The following SARDH variants were observed in gnomAD, a reference collection of about 807,000 sequenced individuals.
SARDH encodes sarcosine dehydrogenase, mitochondrial.
A neutral mutation model predicts 109.1 loss-of-function variants in SARDH; 95 were observed. The ratio of observed to expected loss-of-function variants is 0.87; its 90% confidence interval spans 0.74 to 1.03. The LOEUF (loss-of-function observed/expected upper bound fraction) is 1.03. SARDH is among the 50% of genes least tolerant of loss of function. SARDH has a pLI of 0.00. For synonymous variants in SARDH, 572 were observed against 534.8 expected (o/e 1.07, Z -0.96); for missense variants, 1,267 against 1,287.8 (o/e 0.98, Z 0.25).
chr9:133,674,094 G>T (rs1483165643), intron 17 of SARDH, among the ~76,000 whole-genome samples: 1 of 152,236 alleles, frequency 6.6e-6, no homozygotes, highest in Non-Finnish European at 1.5e-5. Flanking sequence ...CTAAGTTCAC[G>T]GAATCACTAG....
At chr9:133,691,736 C>T (rs1319618533) in intron 15 of SARDH, among the ~76,000 whole-genome samples, 1 of 152,216 alleles carries the variant, frequency 6.6e-6, no homozygotes, top group Non-Finnish European at 1.5e-5. Flanking sequence ...AGGTAGCGCA[C>T]GTATTCAACA....
rs144501659 is a variant in SARDH at position 133,687,641 on chromosome 9, T to C, written c.2070-2355A>G. 3.1e-3 allele frequency among the ~76,000 whole-genome samples: 468 copies of C among 152,134 alleles called. 3 individuals carry two copies. The highest frequency in any genetic ancestry group is 0.011 in the African/African-American group (441 of 41,498). ...ACTAGTATTAAAAATGCAGTCCCAC[T>C]AGCCACATTTCAAAGGCTCAGTAGC... On this transcript the variant is annotated intron_variant, in intron 16 of 20. Transcript: ENST00000439388.
At chr9:133,717,593 G>A (rs1002084127) in intron 7 of SARDH, 138 bp from the exon 8 acceptor site, 13 of 1,281,456 alleles carry the variant, frequency 1.0e-5, no homozygotes, top group East Asian at 5.1e-5. Context: ...TCACCCACAC[G>A]TCCCAGCCGT....
rs369483621 is a variant in SARDH at position 133,695,635 on chromosome 9, G to A, written c.1807+588C>T. Among the ~76,000 whole-genome samples, 10 of 146,894 alleles carry A rather than the reference G, an allele frequency of 6.8e-5. No homozygotes were observed. In the East Asian group the frequency reaches 1.4e-3, roughly 21 times the overall value. ...ATTTTGACCTCCAGCTTCCAGAACC[G>A]TGACAATAAATTGGTGTTGTTTTAA... On this transcript the variant is annotated intron_variant, in intron 14 of 20. Transcript: ENST00000439388.
chr9:133,731,576 G>A, intron 3 of SARDH, 92 bp from the exon 4 acceptor site: 1 of 1,312,740 alleles, frequency 7.6e-7, no homozygotes, highest in East Asian at 2.3e-5. Context: ...GCAAACCCCA[G>A]CCTCACTTTC....
At chr9:133,685,110 C>T (rs1274417790) in intron 17 of SARDH, 83 bp downstream of exon 17, 11 of 1,189,468 alleles carry the variant, frequency 9.2e-6, no homozygotes, top group Non-Finnish European at 1.2e-5. Context: ...TGCCCGAGAG[C>T]CCCCAGCCCC....
chr9:133,683,513 G>T (rs113092824), intron 17 of SARDH, among the ~76,000 whole-genome samples: 1 of 152,168 alleles, frequency 6.6e-6, no homozygotes, highest in African/African-American at 2.4e-5. Flanking sequence ...CCATCTGAAG[G>T]CCGTGTGGCC....
At chr9:133,706,822 C>T (rs1010966843) in intron 11 of SARDH, among the ~76,000 whole-genome samples, 16 of 152,126 alleles carry the variant, frequency 1.1e-4, no homozygotes, top group African/African-American at 3.9e-4. Flanking sequence ...TCCAGATGGC[C>T]CGCTGAGGGT....
intron 13 of SARDH, 133 bp downstream of exon 13, chr9:133,702,783 A>G: frequency 8.3e-6 from 6 of 722,770 alleles, no homozygotes; most frequent in Non-Finnish European, 1.4e-5. Context: ...CAGCCGAAAA[A>G]AGCGTGAATG....
At position 133,712,865 on chromosome 9, in the gene SARDH, C is replaced by A. The variant is rs1831977912; in HGVS notation, c.1238-156G>T. The A allele has an allele frequency of 1.1e-6, 1 of 920,752 alleles. No individual in the cohort carries two copies. The highest frequency in any genetic ancestry group is 1.7e-6 in the Non-Finnish European group (1 of 601,388). 57.0% of individuals were successfully genotyped at this position (920,752 alleles called of 1,614,324 possible). Reference sequence around the variant, plus strand: ...GCCTCCTGATTGGACTGCTGCTGGACTGGACCCTGGCACAGGTGCACTCTC... The same window carrying A: ...GCCTCCTGATTGGACTGCTGCTGGAATGGACCCTGGCACAGGTGCACTCTC... On this transcript the variant is annotated intron_variant, in intron 9 of 20. Coordinates refer to ENST00000439388, the MANE Select transcript of SARDH (RefSeq NM_001134707.2). This position sits in a 1 kb window ranked among gnomAD's most constrained non-coding sequence, Gnocchi z 4.1.
At position 133,734,170 on chromosome 9, in the gene SARDH, C is replaced by T. The variant is rs745408402; in HGVS notation, c.4G>A (p.Ala2Thr). ...ACACGTAGGGCTCGGCTCAGTGAGGCCATGGGGGCTCCAGGCCTCAGCGAA... is the reference window on the plus strand; with the variant it reads ...ACACGTAGGGCTCGGCTCAGTGAGGTCATGGGGGCTCCAGGCCTCAGCGAA... The part of the protein sequence containing the change: M[A>T]SLSRALRVAA... The change falls in exon 2 of 21, where the codon GCC becomes ACC. Residue 2 changes from alanine to threonine, a missense_variant. Transcript: ENST00000439388. 6.3e-7 allele frequency: 1 copy of T among 1,582,806 alleles called. No homozygotes were observed. Among genetic ancestry groups the T allele is most frequent in the South Asian group, 1.1e-5 (1 of 87,900 alleles).
chr9:133,733,875 C>A lies in SARDH; in HGVS notation c.299G>T (p.Arg100Leu). 1 of 1,488,428 alleles carries A rather than the reference C, an allele frequency of 6.7e-7. No homozygotes were observed. The highest frequency in any genetic ancestry group is 2.4e-5 in the East Asian group (1 of 41,544). The allele number at this position is 1,488,428 out of a possible 1,614,324, so 92.2% of individuals were successfully genotyped here. The part of the protein sequence containing the change: ...MSGAVLLERE[R>L]LTSGTTWHTA... ...GTGCCAGGTGGTCCCGGAGGTCAGC[C>A]GCTCCCGCTCCAGCAGCACCGCCCC... is the stretch of plus-strand genomic sequence containing the variant. Residue 100 changes from arginine to leucine, a missense_variant, in exon 2 of 21, where the codon CGG becomes CTG. Physicochemically the swap from Arg to Leu is moderately radical, Grantham distance 102 (BLOSUM62 -2). Transcript: ENST00000439388.
Position 133,731,493 on chromosome 9 carries a change from A to T in SARDH, c.511-9T>A. 6.2e-7 allele frequency: 1 copy of T among 1,613,486 alleles called. No individual in the cohort carries two copies. The highest frequency in any genetic ancestry group is 8.5e-7 in the Non-Finnish European group (1 of 1,179,680). On this transcript the variant is annotated splice_polypyrimidine_tract_variant and intron_variant, in intron 3 of 20. Coordinates refer to ENST00000439388, the MANE Select transcript of SARDH (RefSeq NM_001134707.2). ...CCATACGCCTTGCCCAGCTAGGGGG[A>T]CCCAGGGGAGGTTAACTGAGTCCGT...
chr9:133,734,585 G>A (rs1248386625), intron 1 of SARDH, among the ~76,000 whole-genome samples: 4 of 152,214 alleles, frequency 2.6e-5, no homozygotes. Flanking sequence ...AAGACAGGGA[G>A]CGCCAAGCTC....
Position 133,712,706 on chromosome 9 carries a change from A to C in SARDH, c.1241T>G (p.Met414Arg), listed in dbSNP as rs1385218864. ...CTGCCCACAGCCACCACCCAGCATC[A>C]TTCCTGGCAGGAAGAGAAGCGCAGG... ...FLGCGFNSAG[M>R]MLGGGCGQEL... The change falls in exon 10 of 21, where the codon ATG (methionine) becomes AGG (arginine). Residue 414 changes from methionine (M) to arginine (R), a missense_variant. Met to Arg is a moderately conservative substitution (Grantham distance 91). Coordinates refer to ENST00000439388, the MANE Select transcript of SARDH (RefSeq NM_001134707.2). The surrounding 1 kb of genome is among the most constrained non-coding windows in gnomAD (Gnocchi z 4.1). 6.2e-7 allele frequency: 1 copy of C among 1,608,092 alleles called. No individual in the cohort carries two copies. Among genetic ancestry groups the C allele is most frequent in the Non-Finnish European group, 8.5e-7 (1 of 1,179,878 alleles).
chr9:133,687,142 C>T (rs113703473), intron 16 of SARDH, among the ~76,000 whole-genome samples: 7,180 of 152,276 alleles, frequency 0.047, 475 homozygotes, highest in African/African-American at 0.14. Flanking sequence ...TGTGATGCCA[C>T]GGGCCACTGT....
At chr9:133,701,725 T>A (rs1379115139) in intron 13 of SARDH, among the ~76,000 whole-genome samples, 3 of 152,070 alleles carry the variant, frequency 2.0e-5, no homozygotes, top group Admixed American at 6.5e-5. Flanking sequence ...GCTGCGGCGC[T>A]TCATGACACA....
At chr9:133,683,668 C>T (rs2131365539) in intron 17 of SARDH, among the ~76,000 whole-genome samples, 1 of 152,338 alleles carries the variant, frequency 6.6e-6, no homozygotes, top group East Asian at 1.9e-4. Context: ...GAGGTGAGAG[C>T]AGAGCCGCTG....
rs781143902 is a variant in SARDH, at chr9:133,718,939, T to C, written c.1019A>G (p.Glu340Gly). 3.8e-5 allele frequency: 61 copies of C among 1,612,116 alleles called. No homozygotes were observed. The highest frequency in any genetic ancestry group is 4.8e-5 in the Non-Finnish European group (57 of 1,178,552). ...TATCCCAGGGCCCTGGCATCTTACC[T>C]CCTCCCAAAAGATGGGGTTGGCCTC... is the stretch of plus-strand genomic sequence containing the variant. The part of the protein sequence containing the change: ...GYEANPIFWE[E>G]VSDKFAFGLF... The change falls in exon 7 of 21, where the codon GAG becomes GGG. Residue 340 changes from glutamate to glycine, a missense_variant and splice_region_variant. Glu to Gly is a moderately conservative substitution (Grantham distance 98). Transcript: ENST00000439388. The surrounding 1 kb of genome is among the most constrained non-coding windows in gnomAD (Gnocchi z 4.2).
Sources: allele counts gnomAD v4.1 joint callset (sites outside exome capture counted in the v4.1 genomes callset), GRCh38; gene constraint gnomAD v4.1.1; non-coding constraint Gnocchi (gnomAD v3.1); transcripts MANE v1.5; gene names NCBI Gene and HGNC (gene_info 2026-07-23, HGNC 2026-07-21).